The following ZZEF1 variants were observed in gnomAD, a reference collection of about 807,000 sequenced individuals.
ZZEF1 encodes the protein zinc finger ZZ-type and EF-hand domain containing 1, also known as zinc finger ZZ-type and EF-hand domain-containing protein 1.
A neutral mutation model predicts 342.8 loss-of-function variants in ZZEF1; 157 were observed. That is an observed-to-expected ratio of 0.46 (90% CI 0.40 to 0.52). ZZEF1 has a LOEUF of 0.52. ZZEF1 is among the 20% of genes least tolerant of loss of function. The pLI is 0.00. For synonymous variants in ZZEF1, 1,505 were observed against 1,429.1 expected (o/e 1.05, Z -1.20); for missense variants, 3,480 against 3,725.6 (o/e 0.93, Z 1.72).
chr17:4,028,722 A>G (rs8072805), intron 42 of ZZEF1, among the ~76,000 whole-genome samples: 33,034 of 152,096 alleles, frequency 0.22, 3,718 homozygotes, highest in Middle Eastern at 0.29. Context: ...AAGATGTGAA[A>G]CCCATGGATA....
At position 4,013,511 on chromosome 17, in the gene ZZEF1, A is replaced by G. The variant is rs1471663583; in HGVS notation, c.8517T>C (p.Thr2839=). ...GGATGGCTTTTAATCGTTGATGGCC[A>G]GTCTGGCGACAGGCCACGCCCACCA... ...EWLVGVACRQ[T]GHQRLKAIHL... is the part of the protein sequence containing the mutation. Residue 2839 remains threonine (T), a synonymous_variant, in exon 52 of 55, where the codon ACT becomes ACC. Transcript: ENST00000381638. 3.7e-6 allele frequency: 6 copies of G among 1,614,080 alleles called. No homozygotes were observed. The highest frequency in any genetic ancestry group is 5.1e-6 in the Non-Finnish European group (6 of 1,179,940).
At position 4,044,437 on chromosome 17, in the gene ZZEF1, G is replaced by A. The variant is rs542590797; in HGVS notation, c.6016-63C>T. The A allele has an allele frequency of 1.1e-4, 165 of 1,487,692 alleles. 3 individuals carry two copies. The South Asian group carries it at 2.0e-3, about 18-fold the overall frequency. 92.2% of individuals were successfully genotyped at this position (1,487,692 alleles called of 1,614,324 possible). A position where few individuals can be genotyped will look rare whatever the true frequency, so the allele number is the denominator to read the frequency against. The stretch of plus-strand genomic sequence containing the variant: ...ATAACAAAGTTTGCTCCATGATTAT[G>A]ATAACTTTTTAATGATTAGCCAGTC... On this transcript the variant is annotated intron_variant, in intron 37 of 54. Coordinates refer to ENST00000381638, the MANE Select transcript of ZZEF1 (RefSeq NM_015113.4).
chr17:4,106,000 A>G (rs1193109246), intron 6 of ZZEF1, among the ~76,000 whole-genome samples, 191 bp from the exon 7 acceptor site: 1 of 152,104 alleles, frequency 6.6e-6, no homozygotes, highest in Non-Finnish European at 1.5e-5. Context: ...CCCAGGCTAG[A>G]GTGCAGTGGT....
At position 4,014,668 on chromosome 17, in the gene ZZEF1, G is replaced by A. The variant is rs545264670; in HGVS notation, c.8146-153C>T. 1.3e-5 allele frequency among the ~76,000 whole-genome samples: 2 copies of A among 152,364 alleles called. No homozygotes were observed. The highest frequency in any genetic ancestry group is 2.9e-5 in the Non-Finnish European group (2 of 68,040). On this transcript the variant is annotated intron_variant, in intron 49 of 54. Transcript: ENST00000381638. This position sits in a 1 kb window ranked among gnomAD's most constrained non-coding sequence, Gnocchi z 4.4. ...CAGGAGTGCAGAGTCCAGCTAGGGC[G>A]AGGAGCATGCACAGACTGCAAATAT...
At chr17:4,071,608 A>G (rs2057510039) in intron 25 of ZZEF1, among the ~76,000 whole-genome samples, 2 of 152,208 alleles carry the variant, frequency 1.3e-5, no homozygotes, top group Admixed American at 6.5e-5. Context: ...GAACATCATG[A>G]GGAAGAATCC....
At chr17:4,139,822 C>T (rs2058813215) in intron 1 of ZZEF1, among the ~76,000 whole-genome samples, 1 of 152,200 alleles carries the variant, frequency 6.6e-6, no homozygotes, top group Non-Finnish European at 1.5e-5. Flanking sequence ...TCAATGTTTT[C>T]TCTCCCCTTC....
Position 4,124,010 on chromosome 17 carries a change from A to G in ZZEF1, c.396T>C (p.Asp132=). 1 of 1,613,978 alleles carries G rather than the reference A, an allele frequency of 6.2e-7. No individual in the cohort carries two copies. The highest frequency in any genetic ancestry group is 8.5e-7 in the Non-Finnish European group (1 of 1,179,958). The change falls in exon 2 of 55, where the codon GAT becomes GAC. Residue 132 remains aspartate, a synonymous_variant. Transcript: ENST00000381638. ...TGAGGGCCTCCAACATGTTCTCGGC[A>G]TCAACTGTCCCATCACCCTCAGCAT... The part of the protein sequence containing the change: ...QFDAEGDGTV[D]AENMLEALKN...
In ZZEF1 at chr17:4,025,026, T is replaced by C; in HGVS notation, c.6985A>G (p.Ile2329Val). The change falls in exon 43 of 55, where the codon ATC becomes GTC. Residue 2329 changes from isoleucine to valine, a missense_variant. By Grantham distance (29) the Ile-to-Val change is conservative. Around this residue, in one of 5 missense-constraint regions of ZZEF1, gnomAD observed 1,269 missense variants for 1,342.4 expected, o/e 0.95. Transcript: ENST00000381638. ...LSQYSQHFAF[I>V]ASHLLQSSMD... ...CTGCTTTGCAGAAGGTGACTGGCGA[T>C]AAAGGCAAAGTGCTGGGAGTACTGG... 2 of 1,614,154 alleles carry C rather than the reference T, an allele frequency of 1.2e-6. No individual in the cohort carries two copies. Among genetic ancestry groups the C allele is most frequent in the Non-Finnish European group, 1.7e-6 (2 of 1,180,022 alleles).
At chr17:4,128,061 A>G (rs145354263) in intron 1 of ZZEF1, among the ~76,000 whole-genome samples, 39 of 152,206 alleles carry the variant, frequency 2.6e-4, no homozygotes, top group African/African-American at 8.9e-4. Flanking sequence ...AGCAACTAGG[A>G]GAGGCCAGAT....
intron 1 of ZZEF1, among the ~76,000 whole-genome samples, chr17:4,129,739 A>AG (rs2058634094): frequency 6.6e-6 from 1 of 152,182 alleles, no homozygotes; most frequent in Admixed American, 6.5e-5. Context: ...CGGGAGGCTG[A>AG]GGCAGGAGAA....
At position 4,017,475 on chromosome 17, in the gene ZZEF1, G is replaced by A. The variant is rs1399501731; in HGVS notation, c.7897C>T (p.His2633Tyr). 3 of 1,614,266 alleles carry A rather than the reference G, an allele frequency of 1.9e-6. No individual in the cohort carries two copies. Among genetic ancestry groups the A allele is most frequent in the African/African-American group, 2.7e-5 (2 of 75,080 alleles). The change falls in exon 48 of 55, where the codon CAC becomes TAC. Residue 2633 changes from histidine (H) to tyrosine (Y), a missense_variant. By Grantham distance (83) the His-to-Tyr change is moderately conservative. Transcript: ENST00000381638. This position sits in a 1 kb window ranked among gnomAD's most constrained non-coding sequence, Gnocchi z 5.1. ...LASLLAEWPS[H>Y]VPVSEDILEL... The stretch of plus-strand genomic sequence containing the variant: ...AGGATGTCCTCGCTCACTGGCACGT[G>A]GCTAGGCCACTCGGCGAGCAGGGAT...
At chr17:4,068,537 T>C (rs1232154834) in intron 26 of ZZEF1, among the ~76,000 whole-genome samples, 1 of 151,628 alleles carries the variant, frequency 6.6e-6, no homozygotes, top group African/African-American at 2.4e-5. Context: ...TCCACCTGCC[T>C]TGGCCTCCCA....
intron 2 of ZZEF1, among the ~76,000 whole-genome samples, chr17:4,122,189 T>C (rs1012381436): frequency 2.0e-5 from 3 of 152,106 alleles, no homozygotes; most frequent in African/African-American, 7.2e-5. Context: ...TGACACCAAG[T>C]GCACAGAGCA....
chr17:4,017,205 A>C lies in ZZEF1; in HGVS notation c.8001+166T>G. The C allele has an allele frequency of 4.0e-6, 4 of 989,718 alleles. 1 individual carries two copies. Among genetic ancestry groups the C allele is most frequent in the Non-Finnish European group, 5.7e-6 (4 of 697,350 alleles). 61.3% of individuals were successfully genotyped at this position (989,718 alleles called of 1,614,324 possible). A position where few individuals can be genotyped will look rare whatever the true frequency, so the allele number is the denominator to read the frequency against. On this transcript the variant is annotated intron_variant, in intron 48 of 54. Coordinates refer to ENST00000381638, the MANE Select transcript of ZZEF1 (RefSeq NM_015113.4). This position sits in a 1 kb window ranked among gnomAD's most constrained non-coding sequence, Gnocchi z 5.1. ...GGGCCCCTGAGTTCCTCACTAGCCC[A>C]ATCCTTGGGAGAGGATACAGTGACC...
chr17:4,017,126 G>A lies in ZZEF1; in HGVS notation c.8001+245C>T, dbSNP rs2056125605. On this transcript the variant is annotated intron_variant, in intron 48 of 54. Coordinates refer to ENST00000381638, the MANE Select transcript of ZZEF1 (RefSeq NM_015113.4). The surrounding 1 kb of genome is among the most constrained non-coding windows in gnomAD (Gnocchi z 5.1). ...AATGTGCCTCAAGATTTCTGCACTT[G>A]GAAACTGGGAAGATGGCGACAAAGC... The A allele has an allele frequency of 1.9e-6, 1 of 513,932 alleles. No homozygotes were observed. The highest frequency in any genetic ancestry group is 1.9e-5 in the African/African-American group (1 of 52,458). 31.8% of individuals were successfully genotyped at this position (513,932 alleles called of 1,614,324 possible).
intron 35 of ZZEF1, among the ~76,000 whole-genome samples, chr17:4,051,506 C>T (rs758619624): frequency 4.7e-4 from 71 of 152,152 alleles, no homozygotes; most frequent in Non-Finnish European, 8.4e-4. Flanking sequence ...CTGCAACCTC[C>T]GCCTCCCAGG....
At chr17:4,082,589 C>T in intron 16 of ZZEF1, 85 bp from the exon 17 acceptor site, 1 of 1,267,362 alleles carries the variant, frequency 7.9e-7, no homozygotes, top group Non-Finnish European at 1.1e-6. Flanking sequence ...ACATCACCAC[C>T]CCACTGTTCT....
intron 39 of ZZEF1, among the ~76,000 whole-genome samples, chr17:4,036,650 T>C (rs2056669714): frequency 6.6e-6 from 1 of 151,094 alleles, no homozygotes; most frequent in Non-Finnish European, 1.5e-5. Flanking sequence ...GAGAATCACT[T>C]GAACCGGGAG....
At chr17:4,135,659 G>A (rs1425268671) in intron 1 of ZZEF1, among the ~76,000 whole-genome samples, 2 of 152,048 alleles carry the variant, frequency 1.3e-5, no homozygotes, top group East Asian at 3.9e-4. Context: ...CCATCCCTGG[G>A]GCCATTCAGA....
Sources: gnomAD v4.1 joint callset for allele counts (sites outside exome capture counted in the v4.1 genomes callset) on GRCh38, gnomAD v4.1.1 for gene constraint, gnomAD v4.1.1 regional missense constraint, Gnocchi (gnomAD v3.1) non-coding constraint, MANE v1.5 for transcripts, NCBI Gene and HGNC (gene_info 2026-07-23, HGNC 2026-07-21) for gene names.